Variants in CHUK observed in about 807,000 individuals in gnomAD.
The protein encoded by CHUK is inhibitor of nuclear factor kappa-B kinase subunit alpha.
Under a neutral mutation model 104.8 loss-of-function variants are expected in CHUK, and 35 were observed. The observed-to-expected ratio is 0.33, with a 90% CI of 0.26 to 0.44. CHUK has a LOEUF of 0.44. Among genes scored for constraint, CHUK ranks in the 20% least tolerant of loss-of-function variants. The pLI is 1.00. For synonymous variants in CHUK, 276 were observed against 291.9 expected, an observed-to-expected ratio of 0.95 and a Z score of 0.56; for missense variants, 663 against 902.7, an observed-to-expected ratio of 0.73 and a Z score of 3.40.
intron 9 of CHUK, among the ~76,000 whole-genome samples, chr10:100,215,214 CAAAAAAAAAAAAAAA>C (rs913817319): frequency 3.9e-5 from 2 of 51,586 alleles, no homozygotes; most frequent in African/African-American, 1.0e-4. Flanking sequence ...GGCTCCATAT[CAAAAAAAAAAAAAAA>C]AAAAAAAGAA....
In CHUK at chr10:100,209,724, A is replaced by G. The variant is rs763778843; in HGVS notation, c.999T>C (p.Ser333=). 3 of 1,564,554 alleles carry G rather than the reference A, an allele frequency of 1.9e-6. No homozygotes were observed. The highest frequency in any genetic ancestry group is 2.6e-6 in the Non-Finnish European group (3 of 1,135,026). The part of the protein sequence containing the change: ...IISFLLPPDE[S]LHSLQSRIER... ...CAATACGAGACTGTAGTGAATGAAGACTTTCATCAGGTGGTAACAGAAAAG... is the reference window on the plus strand; with the variant it reads ...CAATACGAGACTGTAGTGAATGAAGGCTTTCATCAGGTGGTAACAGAAAAG... The change falls in exon 10 of 21, where the codon AGT becomes AGC. Residue 333 remains serine (S), a synonymous_variant. Coordinates refer to ENST00000370397, the MANE Select transcript of CHUK (RefSeq NM_001278.5).
chr10:100,218,982 T>G (rs113851273), intron 7 of CHUK, 26 bp downstream of exon 7: 2 of 1,613,886 alleles, frequency 1.2e-6, no homozygotes, highest in Non-Finnish European at 1.7e-6. Context: ...CCATTAAGCA[T>G]GCCCAAGTTC....
At chr10:100,215,168 T>C (rs893841924) in intron 9 of CHUK, among the ~76,000 whole-genome samples, 5 of 137,182 alleles carry the variant, frequency 3.6e-5, no homozygotes, top group African/African-American at 5.7e-5. Flanking sequence ...CCAGGAGGTG[T>C]AGGTTGCAGT....
intron 11 of CHUK, among the ~76,000 whole-genome samples, chr10:100,206,711 G>T (rs1198257994): frequency 6.6e-6 from 1 of 152,042 alleles, no homozygotes; most frequent in Admixed American, 6.6e-5. Flanking sequence ...CTAATAAAAA[G>T]ACTTTTAAAA....
chr10:100,228,991 GCGCACACA>G (rs1249187709), intron 1 of CHUK, among the ~76,000 whole-genome samples: 16 of 115,000 alleles, frequency 1.4e-4, no homozygotes, highest in African/African-American at 4.3e-4. Flanking sequence ...GCGCGCGCGC[GCGCACACA>G]CACACACACA....
At chr10:100,216,454 A>C (rs1453661092) in intron 9 of CHUK, among the ~76,000 whole-genome samples, 1 of 152,212 alleles carries the variant, frequency 6.6e-6, no homozygotes, top group Admixed American at 6.5e-5. Context: ...CTGTAATCTC[A>C]GCACTTTGGG....
intron 13 of CHUK, among the ~76,000 whole-genome samples, chr10:100,203,034 C>T (rs527725269): frequency 1.3e-5 from 2 of 152,258 alleles, no homozygotes; most frequent in African/African-American, 4.8e-5. Context: ...GTTGGGATTA[C>T]AGGCGTGAGT....
At chr10:100,192,747 A>G (rs1190248395) in intron 19 of CHUK, 32 of 987,880 alleles carry the variant, frequency 3.2e-5, no homozygotes, top group Non-Finnish European at 3.3e-5. Context: ...AAGAGTAGGA[A>G]TTAATAAAAT....
At chr10:100,225,759 T>A (rs1554899945) in intron 2 of CHUK, among the ~76,000 whole-genome samples, 164 bp downstream of exon 2, 1 of 152,176 alleles carries the variant, frequency 6.6e-6, no homozygotes, top group Non-Finnish European at 1.5e-5. Context: ...ACCTTCTTAA[T>A]CTTAATGTGA....
intron 9 of CHUK, among the ~76,000 whole-genome samples, chr10:100,214,652 A>C (rs2134237919): frequency 6.6e-6 from 1 of 152,314 alleles, no homozygotes; most frequent in East Asian, 1.9e-4. Flanking sequence ...CTCTCAGGGC[A>C]TTAGTAAGAG....
chr10:100,204,943 C>A, intron 12 of CHUK, 133 bp downstream of exon 12: 1 of 1,038,904 alleles, frequency 9.6e-7, no homozygotes, highest in Admixed American at 1.9e-5. Context: ...ACAAGTTTAT[C>A]AGAACATTAC....
At chr10:100,204,381 A>T in intron 13 of CHUK, 125 bp downstream of exon 13, 1 of 797,538 alleles carries the variant, frequency 1.3e-6, no homozygotes, top group Non-Finnish European at 2.2e-6. Flanking sequence ...ATGTTAATTT[A>T]AGTTGTCCTG....
chr10:100,225,215 A>G (rs1407514609), intron 2 of CHUK, among the ~76,000 whole-genome samples: 1 of 152,204 alleles, frequency 6.6e-6, no homozygotes, highest in Non-Finnish European at 1.5e-5. Context: ...TTAATTCTGC[A>G]AAGCTGAAAC....
At chr10:100,187,059 GCGATAATGCTCACT>G, downstream of CHUK, 1 of 152,462 alleles carries the variant, frequency 6.6e-6, no homozygotes, top group African/African-American at 2.4e-5. Flanking sequence ...AGAGCTCAAG[GCGATAATGCTCACT>G]CGCCCGCCGC....
rs773250001 is a variant in CHUK, at chr10:100,222,127, A to G, written c.370T>C (p.Leu124=). Residue 124 remains leucine, a synonymous_variant, in exon 4 of 21, where the codon TTA becomes CTA. Coordinates refer to ENST00000370397, the MANE Select transcript of CHUK (RefSeq NM_001278.5). The part of the protein sequence containing the change: ...CGLKESQILS[L]LSDIGSGIRY... ...TGATACGTACCTATATCACTTAGTA[A>G]AGAAAGTATCTGGCTTTCTTTAAGT... The G allele has an allele frequency of 1.9e-6, 3 of 1,570,294 alleles. No homozygotes were observed. The highest frequency in any genetic ancestry group is 2.2e-5 in the South Asian group (2 of 90,098).
intron 1 of CHUK, 93 bp from the exon 2 acceptor site, chr10:100,226,110 T>G: frequency 1.3e-6 from 1 of 753,170 alleles, no homozygotes; most frequent in Admixed American, 1.9e-5. Flanking sequence ...ACAAAACTTT[T>G]TAGCTTTACT....
chr10:100,219,301 C>A lies in CHUK; in HGVS notation c.533G>T (p.Cys178Phe). 6.2e-7 allele frequency: 1 copy of A among 1,606,252 alleles called. No homozygotes were observed. The highest frequency in any genetic ancestry group is 8.5e-7 in the Non-Finnish European group (1 of 1,172,848). Reference sequence around the variant, plus strand: ...CTGCAGTGTTCCCACAAAAGATGTACACAGACTTCCTTGATCAACATCTTT... The same window carrying A: ...CTGCAGTGTTCCCACAAAAGATGTAAACAGACTTCCTTGATCAACATCTTT... The part of the protein sequence containing the change: ...YAKDVDQGSL[C>F]TSFVGTLQYL... Residue 178 changes from cysteine to phenylalanine, a missense_variant, in exon 6 of 21, where the codon TGT (cysteine) becomes TTT (phenylalanine). Cys to Phe is a radical substitution (Grantham distance 205). This residue lies in a region of CHUK where 200 missense variants were observed against 333.0 expected (regional missense o/e 0.60). Coordinates refer to ENST00000370397, the MANE Select transcript of CHUK (RefSeq NM_001278.5).
Position 100,219,044 on chromosome 10 carries a change from T to C in CHUK, c.653A>G (p.Tyr218Cys), listed in dbSNP as rs1195039996. Residue 218 changes from tyrosine (Y) to cysteine (C), a missense_variant, in exon 7 of 21, where the codon TAT becomes TGT. By Grantham distance (194) the Tyr-to-Cys change is radical. Coordinates refer to ENST00000370397, the MANE Select transcript of CHUK (RefSeq NM_001278.5). ...CTGCAGATGATGCAAAAAAGGCCTATATCCAGCAATACATTCAAATACCAT... is the reference window on the plus strand; with the variant it reads ...CTGCAGATGATGCAAAAAAGGCCTACATCCAGCAATACATTCAAATACCAT... ...GTMVFECIAG[Y>C]RPFLHHLQPF... 3 of 1,613,914 alleles carry C rather than the reference T, an allele frequency of 1.9e-6. No homozygotes were observed. In the South Asian group the frequency reaches 3.3e-5, roughly 18 times the overall value.
intron 12 of CHUK, 80 bp from the exon 13 acceptor site, chr10:100,204,737 A>G (rs1845551890): frequency 2.5e-6 from 3 of 1,194,734 alleles, no homozygotes; most frequent in Non-Finnish European, 3.6e-6. Context: ...ATGTAAAAAC[A>G]TAAACTGCCA....
Sources: allele counts gnomAD v4.1 joint callset (sites outside exome capture counted in the v4.1 genomes callset), GRCh38; gene constraint gnomAD v4.1.1; regional missense constraint gnomAD v4.1.1; transcripts MANE v1.5; gene names NCBI Gene and HGNC (gene_info 2026-07-23, HGNC 2026-07-21).